Variants in SPRED2 observed in about 807,000 individuals in gnomAD.
The protein encoded by SPRED2 is sprouty related EVH1 domain containing 2, also known as sprouty-related, EVH1 domain-containing protein 2.
In SPRED2, 47 loss-of-function variants were observed where a neutral mutation model predicts 43.0. The observed-to-expected ratio is 1.09, with a 90% CI of 0.87 to 1.40. The LOEUF (loss-of-function observed/expected upper bound fraction) is 1.40. SPRED2 is among the 40% of genes most tolerant of loss of function. The probability of loss-of-function intolerance (pLI) is 0.00; values close to 1 mark genes in which losing one functional copy is unlikely to be tolerated. For missense variants in SPRED2, 561 were observed against 586.4 expected, an observed-to-expected ratio of 0.96 and a Z score of 0.45; for synonymous variants, 225 against 225.7, an observed-to-expected ratio of 1.00 and a Z score of 0.03.
intron 1 of SPRED2, among the ~76,000 whole-genome samples, chr2:65,404,894 C>T (rs1675988399): frequency 6.6e-6 from 1 of 152,206 alleles, no homozygotes; most frequent in African/African-American, 2.4e-5. Context: ...CCCCTGGGCC[C>T]TTTTATGATC....
chr2:65,344,576 G>A lies in SPRED2; in HGVS notation c.204+143C>T, dbSNP rs113316965. 3.1e-4 allele frequency: 348 copies of A among 1,110,276 alleles called. 2 individuals are homozygous for A. Among genetic ancestry groups the A allele is most frequent in the South Asian group, 1.9e-3 (140 of 74,598 alleles). 68.8% of individuals were successfully genotyped at this position (1,110,276 alleles called of 1,614,324 possible). A position where few individuals can be genotyped will look rare whatever the true frequency, so the allele number is the denominator to read the frequency against. On this transcript the variant is annotated intron_variant, in intron 2 of 5. Transcript: ENST00000356388. Reference sequence around the variant, plus strand: ...CGTTTTACAATTTGGCACCAGCTCCGGGGTTCTAACTTTTGAAGCTTTTGC... The same window carrying A: ...CGTTTTACAATTTGGCACCAGCTCCAGGGTTCTAACTTTTGAAGCTTTTGC...
Position 65,356,545 on chromosome 2 carries a change from T to TTTTTTTTC in SPRED2, c.27-11650_27-11649insGAAAAAAA, listed in dbSNP as rs1674655816. Among the ~76,000 whole-genome samples the TTTTTTTTC allele has an allele frequency of 1.5e-5, 2 of 137,702 alleles. 1 individual carries two copies. Among genetic ancestry groups the TTTTTTTTC allele is most frequent in the Non-Finnish European group, 3.1e-5 (2 of 64,966 alleles). 90.3% of individuals were successfully genotyped at this position (137,702 alleles called of 152,430 possible). On this transcript the variant is annotated intron_variant, in intron 1 of 5. Transcript: ENST00000356388. The stretch of plus-strand genomic sequence containing the variant: ...AGTTCCCCAGTTCCCTCTTTTTTTT[T>TTTTTTTTC]TTTTTTTTTTTTTGTGTGTGTGTAC...
At chr2:65,318,098 C>A (rs758859461) in intron 4 of SPRED2, among the ~76,000 whole-genome samples, 1 of 152,040 alleles carries the variant, frequency 6.6e-6, no homozygotes, top group Non-Finnish European at 1.5e-5. Flanking sequence ...GTGCTGTCCT[C>A]GGGATAGTGA....
At chr2:65,398,448 C>T (rs908689156) in intron 1 of SPRED2, among the ~76,000 whole-genome samples, 2 of 152,064 alleles carry the variant, frequency 1.3e-5, no homozygotes, top group Non-Finnish European at 2.9e-5. Context: ...GCAGACAACC[C>T]GCAGAGTGGG....
At chr2:65,345,368 A>G (rs576349686) in intron 1 of SPRED2, among the ~76,000 whole-genome samples, 1 of 148,082 alleles carries the variant, frequency 6.8e-6, no homozygotes, top group East Asian at 2.1e-4. Context: ...GGTTCAAGCG[A>G]TTCTGATTCA....
chr2:65,319,280 T>C (rs1002302139), intron 4 of SPRED2, among the ~76,000 whole-genome samples: 13 of 152,178 alleles, frequency 8.5e-5, no homozygotes, highest in African/African-American at 3.1e-4. Flanking sequence ...AATTTCAATA[T>C]GAACACACGG....
intron 1 of SPRED2, among the ~76,000 whole-genome samples, chr2:65,357,491 GA>G (rs1297370896): frequency 2.0e-5 from 3 of 152,174 alleles, no homozygotes; most frequent in African/African-American, 7.2e-5. Flanking sequence ...TGACATTAGG[GA>G]CAGATAAAGG....
At chr2:65,314,554 T>G (rs945819958) in intron 5 of SPRED2, among the ~76,000 whole-genome samples, 1 of 152,024 alleles carries the variant, frequency 6.6e-6, no homozygotes, top group Non-Finnish European at 1.5e-5. Context: ...TGCCCCAGAG[T>G]ATCTTCCGCC....
At chr2:65,396,063 T>TA (rs965633833) in intron 1 of SPRED2, among the ~76,000 whole-genome samples, 1 of 152,234 alleles carries the variant, frequency 6.6e-6, no homozygotes, top group African/African-American at 2.4e-5. Context: ...TCGGGCAAGT[T>TA]ATTTTAATGC....
chr2:65,385,619 A>G (rs1430903125), intron 1 of SPRED2, among the ~76,000 whole-genome samples: 1 of 152,194 alleles, frequency 6.6e-6, no homozygotes, highest in African/African-American at 2.4e-5. Context: ...CCAGAGAGGA[A>G]GAAGGTCATC....
chr2:65,400,815 C>G (rs1675867838), intron 1 of SPRED2, among the ~76,000 whole-genome samples: 1 of 152,194 alleles, frequency 6.6e-6, no homozygotes, highest in Non-Finnish European at 1.5e-5. Context: ...CCACCTTCAG[C>G]TTTGCGCCAC....
rs72824319 is a variant in SPRED2 at position 65,405,607 on chromosome 2, C to G, written c.26+26355G>C. The stretch of plus-strand genomic sequence containing the variant: ...ACCTGAACTTACTGGGGCTTCAACG[C>G]CCCCAGAAGATTAATCAGCACCATG... On this transcript the variant is annotated intron_variant, in intron 1 of 5. Transcript: ENST00000356388. Among the ~76,000 whole-genome samples, 1,387 of 152,252 alleles carry G rather than the reference C, an allele frequency of 9.1e-3. 6 individuals carry two copies. The highest frequency in any genetic ancestry group is 0.011 in the Non-Finnish European group (769 of 68,020).
At chr2:65,341,413 A>G (rs916757502) in intron 2 of SPRED2, among the ~76,000 whole-genome samples, 1 of 152,164 alleles carries the variant, frequency 6.6e-6, no homozygotes, top group Non-Finnish European at 1.5e-5. Context: ...ATCTGTGTAC[A>G]CTAGCAACAA....
chr2:65,390,840 C>T (rs1018686260), intron 1 of SPRED2, among the ~76,000 whole-genome samples: 1 of 152,136 alleles, frequency 6.6e-6, no homozygotes, highest in Non-Finnish European at 1.5e-5. Context: ...AATCCCAGCA[C>T]TTTGGGAGGC....
chr2:65,353,601 C>A (rs7567181), intron 1 of SPRED2, among the ~76,000 whole-genome samples: 2,966 of 152,136 alleles, frequency 0.019, 91 homozygotes, highest in African/African-American at 0.068. Flanking sequence ...AGCTGTGAAT[C>A]CCTATTTTTA....
rs199718918 is a variant in SPRED2 at position 65,316,839 on chromosome 2, T to C, written c.483A>G (p.Gln161=). ...SSSNSSQKRE[Q]PTRTISSPTS... is the part of the protein sequence containing the mutation. ...TGGGAGAGGAGATTGTCCGAGTAGG[T>C]TGCTCTCTCTTCTGAGAGGAATTAG... The change falls in exon 5 of 6, where the codon CAA becomes CAG. Residue 161 remains glutamine (Q), a synonymous_variant. Transcript: ENST00000356388. 9 of 1,613,908 alleles carry C rather than the reference T, an allele frequency of 5.6e-6. No homozygotes were observed. In the African/African-American group the frequency reaches 9.3e-5, roughly 17 times the overall value.
Position 65,313,128 on chromosome 2 carries a change from A to G in SPRED2, c.*373T>C, listed in dbSNP as rs569655724. 3.8e-5 allele frequency: 38 copies of G among 1,007,736 alleles called. No homozygotes were observed. The African/African-American group carries it at 6.2e-4, about 16-fold the overall frequency. 62.4% of individuals were successfully genotyped at this position (1,007,736 alleles called of 1,614,324 possible). Reference sequence around the variant, plus strand: ...ACTACAAAACCCACCGAAAATCAGCAGTTCCAATTGCAGACTCCTTTGAAC... The same window carrying G: ...ACTACAAAACCCACCGAAAATCAGCGGTTCCAATTGCAGACTCCTTTGAAC... On this transcript the variant is annotated 3_prime_UTR_variant, in exon 6 of 6. Transcript: ENST00000356388.
intron 1 of SPRED2, among the ~76,000 whole-genome samples, chr2:65,393,895 T>C (rs1486682260): frequency 6.6e-6 from 1 of 152,178 alleles, no homozygotes; most frequent in African/African-American, 2.4e-5. Flanking sequence ...CAAAGCTGCA[T>C]TCCAGTTGCA....
intron 4 of SPRED2, among the ~76,000 whole-genome samples, chr2:65,320,519 A>G (rs890492463): frequency 6.6e-6 from 1 of 152,204 alleles, no homozygotes; most frequent in Non-Finnish European, 1.5e-5. Context: ...GAGACTGAGA[A>G]AGGCCTTATC....
Sources: allele counts gnomAD v4.1 joint callset (sites outside exome capture counted in the v4.1 genomes callset), GRCh38; gene constraint gnomAD v4.1.1; transcripts MANE v1.5; gene names NCBI Gene and HGNC (gene_info 2026-07-23, HGNC 2026-07-21).